Variants in IQCK observed in about 807,000 individuals in gnomAD.
IQCK encodes IQ motif containing K, also known as IQ domain-containing protein K.
In IQCK, 29 loss-of-function variants were observed where a neutral mutation model predicts 28.1. The observed-to-expected ratio is 1.03, with a 90% confidence interval of 0.77 to 1.41. IQCK has a LOEUF of 1.41. Ranked by LOEUF, IQCK falls within the 40% of genes most tolerant of loss-of-function variation. The pLI is 0.00. For synonymous variants in IQCK, 113 were observed against 115.1 expected (o/e 0.98, Z 0.12); for missense variants, 359 against 314.7 (o/e 1.14, Z -1.07).
intron 6 of IQCK, among the ~76,000 whole-genome samples, chr16:19,773,357 T>G (rs2055343184): frequency 6.6e-6 from 1 of 152,166 alleles, no homozygotes; most frequent in African/African-American, 2.4e-5. Context: ...AATTCTCTTA[T>G]GTTAGTCTCA....
At chr16:19,721,999 C>G (rs1389707616) in intron 1 of IQCK, among the ~76,000 whole-genome samples, 1 of 152,164 alleles carries the variant, frequency 6.6e-6, no homozygotes, top group Admixed American at 6.5e-5. Context: ...TAAAATCTGG[C>G]CTTTCATTTC....
chr16:19,793,650 T>G (rs1484327907), intron 7 of IQCK, among the ~76,000 whole-genome samples: 17 of 121,700 alleles, frequency 1.4e-4, no homozygotes, highest in Non-Finnish European at 1.3e-4. Context: ...TGGGTTTTTT[T>G]TTTTTTTTTT....
At chr16:19,759,543 A>T (rs2055107087) in intron 4 of IQCK, among the ~76,000 whole-genome samples, 1 of 151,962 alleles carries the variant, frequency 6.6e-6, no homozygotes, top group African/African-American at 2.4e-5. Context: ...GGATATAAAG[A>T]AAAAAAAGAC....
At chr16:19,727,542 G>C (rs1458961249) in intron 1 of IQCK, among the ~76,000 whole-genome samples, 1 of 149,094 alleles carries the variant, frequency 6.7e-6, no homozygotes, top group Admixed American at 6.7e-5. Context: ...AGCCGAGATC[G>C]TGCCACTGCA....
At chr16:19,726,363 A>G (rs1977656738) in intron 1 of IQCK, among the ~76,000 whole-genome samples, 1 of 152,222 alleles carries the variant, frequency 6.6e-6, no homozygotes, top group Admixed American at 6.5e-5. Flanking sequence ...AGGCAGTGTC[A>G]CTATTGGGAG....
chr16:19,732,195 C>T (rs567328559), intron 2 of IQCK, among the ~76,000 whole-genome samples: 2 of 152,348 alleles, frequency 1.3e-5, no homozygotes, highest in South Asian at 2.1e-4. Flanking sequence ...CCAGAAAACC[C>T]TTGCAGACAT....
chr16:19,838,785 G>A (rs899289692), intron 9 of IQCK, among the ~76,000 whole-genome samples: 2 of 152,060 alleles, frequency 1.3e-5, no homozygotes, highest in African/African-American at 2.4e-5. Flanking sequence ...TTGGGAGGCC[G>A]AGGTGGGCAG....
At chr16:19,749,715 A>G (rs1019578372) in intron 4 of IQCK, among the ~76,000 whole-genome samples, 1 of 152,014 alleles carries the variant, frequency 6.6e-6, no homozygotes, top group Non-Finnish European at 1.5e-5. Context: ...GCAGTGAGCT[A>G]TGATTGCAGC....
intron 9 of IQCK, among the ~76,000 whole-genome samples, chr16:19,848,471 T>A (rs373760199): frequency 6.6e-6 from 1 of 152,242 alleles, no homozygotes; most frequent in African/African-American, 2.4e-5. Context: ...TTTGCAAAGA[T>A]AAGTAACGTT....
At position 19,836,617 on chromosome 16, in the gene IQCK, G is replaced by A. The variant is rs1957999205; in HGVS notation, c.802+9480G>A. On this transcript the variant is annotated intron_variant, in intron 9 of 9. Transcript: ENST00000320394. The stretch of plus-strand genomic sequence containing the variant: ...CAACCTCCGCCTCCCGGGTTCAAGT[G>A]ATTCTCCTGCCTCAGCCTCCCGAGT... Among the ~76,000 whole-genome samples, 5 of 152,264 alleles carry A rather than the reference G, an allele frequency of 3.3e-5. No homozygotes were observed. In the South Asian group the frequency reaches 8.3e-4, roughly 25 times the overall value.
At chr16:19,851,755 G>A (rs746827552) in intron 9 of IQCK, among the ~76,000 whole-genome samples, 11 of 152,292 alleles carry the variant, frequency 7.2e-5, no homozygotes, top group Non-Finnish European at 1.3e-4. Flanking sequence ...CGAGGCATCT[G>A]TCTGTTGGTG....
At chr16:19,824,411 A>G (rs1456068639) in intron 7 of IQCK, among the ~76,000 whole-genome samples, 2 of 152,160 alleles carry the variant, frequency 1.3e-5, no homozygotes, top group African/African-American at 2.4e-5. Context: ...GCAGATACAG[A>G]TGAAGCTTCC....
chr16:19,720,585 C>G (rs929785996), intron 1 of IQCK, among the ~76,000 whole-genome samples: 1 of 152,202 alleles, frequency 6.6e-6, no homozygotes, highest in Non-Finnish European at 1.5e-5. Context: ...TTATTGTTGA[C>G]AAAGAAACAT....
At chr16:19,727,144 G>A (rs868283705) in intron 1 of IQCK, among the ~76,000 whole-genome samples, 4 of 143,100 alleles carry the variant, frequency 2.8e-5, no homozygotes, top group African/African-American at 2.8e-5. Flanking sequence ...AAAAAAAAAA[G>A]AAAGAAAGAA....
chr16:19,733,311 G>A (rs1386289532), intron 2 of IQCK, among the ~76,000 whole-genome samples: 1 of 151,846 alleles, frequency 6.6e-6, no homozygotes, highest in African/African-American at 2.4e-5. Flanking sequence ...CTACTTTTTT[G>A]TATTTTTAGT....
chr16:19,843,670 A>G (rs924407142), intron 9 of IQCK, among the ~76,000 whole-genome samples: 1 of 152,228 alleles, frequency 6.6e-6, no homozygotes, highest in African/African-American at 2.4e-5. Context: ...TCTGAGATCA[A>G]GGAACCAGCA....
intron 9 of IQCK, among the ~76,000 whole-genome samples, chr16:19,834,187 AAGGAGT>A (rs2056266544): frequency 6.6e-6 from 1 of 152,330 alleles, no homozygotes; most frequent in Admixed American, 6.5e-5. Context: ...GTCTGCAACT[AAGGAGT>A]AGCTACGAGC....
chr16:19,783,710 A>G (rs1051391747), intron 6 of IQCK, among the ~76,000 whole-genome samples: 2 of 152,134 alleles, frequency 1.3e-5, no homozygotes, highest in Non-Finnish European at 2.9e-5. Flanking sequence ...CTGATTTACC[A>G]TGGCTTTCTC....
At chr16:19,741,054 G>A (rs951398525) in intron 4 of IQCK, among the ~76,000 whole-genome samples, 1 of 151,892 alleles carries the variant, frequency 6.6e-6, no homozygotes, top group African/African-American at 2.4e-5. Flanking sequence ...CATTCATTAA[G>A]CCCTGCTGTG....
Sources: gnomAD v4.1 joint callset for allele counts (sites outside exome capture counted in the v4.1 genomes callset) on GRCh38, gnomAD v4.1.1 for gene constraint, MANE v1.5 for transcripts, NCBI Gene and HGNC (gene_info 2026-07-23, HGNC 2026-07-21) for gene names.